REDIC1: variants seen among roughly 807,000 people sequenced by gnomAD.
REDIC1 encodes the protein HEI10 Interacting Protein 1.
chr12:39,896,301 T>G, the REDIC1 span, among the ~76,000 whole-genome samples: 1 of 142,744 alleles, frequency 7.0e-6, no homozygotes, highest in Non-Finnish European at 1.5e-5. Flanking sequence ...TGTGTGTATA[T>G]ATGTATACAT....
At chr12:39,832,049 C>G in the REDIC1 span, among the ~76,000 whole-genome samples, 5 of 152,122 alleles carry the variant, frequency 3.3e-5, no homozygotes, top group African/African-American at 4.8e-5. Context: ...CTGAGTCACC[C>G]CTATTTTTGA....
the REDIC1 span, among the ~76,000 whole-genome samples, chr12:39,800,378 T>G: frequency 6.6e-6 from 1 of 151,368 alleles, no homozygotes; most frequent in Admixed American, 6.6e-5. Context: ...GAATCTACAA[T>G]GAACTCAAAC....
chr12:39,716,482 C>G, the REDIC1 span, among the ~76,000 whole-genome samples: 1 of 151,888 alleles, frequency 6.6e-6, no homozygotes, highest in South Asian at 2.1e-4. Context: ...TTGGAAAAAT[C>G]AATCCAACTT....
At chr12:39,682,734 G>C in the REDIC1 span, 1 of 1,613,274 alleles carries the variant, frequency 6.2e-7, no homozygotes. Context: ...AGCATATTTG[G>C]GGGAAAAATG....
the REDIC1 span, chr12:39,684,228 T>G: frequency 4.0e-6 from 4 of 1,004,638 alleles, no homozygotes; most frequent in African/African-American, 6.9e-5. Flanking sequence ...CAGGCTTTTC[T>G]GAATAATGAC....
chr12:39,660,703 A>G, the REDIC1 span, among the ~76,000 whole-genome samples: 3 of 152,084 alleles, frequency 2.0e-5, no homozygotes, highest in African/African-American at 4.8e-5. Context: ...TGTACAACAC[A>G]TTTTTGTTAA....
chr12:39,868,268 T>C, the REDIC1 span, among the ~76,000 whole-genome samples: 1 of 152,224 alleles, frequency 6.6e-6, no homozygotes, highest in South Asian at 2.1e-4. Flanking sequence ...TTTTGGAATT[T>C]TGATATAATT....
At chr12:39,865,668 A>G in the REDIC1 span, among the ~76,000 whole-genome samples, 1 of 152,244 alleles carries the variant, frequency 6.6e-6, no homozygotes, top group African/African-American at 2.4e-5. Flanking sequence ...GAATGGAGAA[A>G]GAAAATATGA....
the REDIC1 span, among the ~76,000 whole-genome samples, chr12:39,664,061 G>T: frequency 6.6e-6 from 1 of 151,062 alleles, no homozygotes; most frequent in Admixed American, 6.6e-5. Flanking sequence ...CTTGTTTTTA[G>T]AATTATTTGT....
At chr12:39,679,395 A>T in the REDIC1 span, among the ~76,000 whole-genome samples, 9 of 152,160 alleles carry the variant, frequency 5.9e-5, no homozygotes, top group African/African-American at 2.2e-4. Flanking sequence ...CAAGAACTCA[A>T]CCCCTTTTAC....
chr12:39,673,263 T>C, the REDIC1 span, among the ~76,000 whole-genome samples: 1 of 152,316 alleles, frequency 6.6e-6, no homozygotes, highest in East Asian at 1.9e-4. Context: ...TGGAAAAGTG[T>C]CCTATGCCTC....
chr12:39,682,809 T>C, the REDIC1 span: 29 of 1,612,582 alleles, frequency 1.8e-5, no homozygotes, highest in Non-Finnish European at 2.4e-5. Context: ...TATCAGAGAA[T>C]TGTGACTCTT....
chr12:39,676,193 TAAAA>T, the REDIC1 span, among the ~76,000 whole-genome samples: 1 of 128,112 alleles, frequency 7.8e-6, no homozygotes, highest in Non-Finnish European at 1.7e-5. Flanking sequence ...CTTAAGGAAA[TAAAA>T]AAAAAAAACC....
At chr12:39,810,829 AT>A in the REDIC1 span, among the ~76,000 whole-genome samples, 1 of 152,098 alleles carries the variant, frequency 6.6e-6, no homozygotes, top group African/African-American at 2.4e-5. Flanking sequence ...GCTGGATTCA[AT>A]TTGAGAATTT....
the REDIC1 span, among the ~76,000 whole-genome samples, chr12:39,667,877 T>C: frequency 5.9e-5 from 9 of 152,320 alleles, no homozygotes; most frequent in South Asian, 1.0e-3. Flanking sequence ...TATCAGAGAC[T>C]AGGATTGCAA....
At chr12:39,694,400 C>G in the REDIC1 span, among the ~76,000 whole-genome samples, 97 of 147,394 alleles carry the variant, frequency 6.6e-4, no homozygotes, top group East Asian at 0.013. Context: ...CTGGGAGTGG[C>G]GACATGGTGC....
At chr12:39,695,065 G>A in the REDIC1 span, among the ~76,000 whole-genome samples, 1 of 152,102 alleles carries the variant, frequency 6.6e-6, no homozygotes, top group Admixed American at 6.6e-5. Flanking sequence ...CCTGCTAACT[G>A]AGGAGCCCTG....
the REDIC1 span, among the ~76,000 whole-genome samples, chr12:39,821,271 G>A: frequency 6.6e-6 from 1 of 152,034 alleles, no homozygotes; most frequent in African/African-American, 2.4e-5. Context: ...TTAGCCGGGC[G>A]TGTTGGCGGG....
chr12:39,650,044 T>TACTG, the REDIC1 span, among the ~76,000 whole-genome samples: 15 of 152,060 alleles, frequency 9.9e-5, no homozygotes, highest in African/African-American at 3.6e-4. The surrounding 1 kb of genome is among the most constrained non-coding windows in gnomAD (Gnocchi z 4.3). Context: ...ATTATTCAGA[T>TACTG]ACTGGTATTG....
Sources: allele counts gnomAD v4.1 joint callset (sites outside exome capture counted in the v4.1 genomes callset), GRCh38; gene constraint gnomAD v4.1.1; non-coding constraint Gnocchi (gnomAD v3.1); transcripts MANE v1.5; gene names NCBI Gene and HGNC (gene_info 2026-07-23, HGNC 2026-07-21).